DDX19B: variants seen among roughly 807,000 people sequenced by gnomAD.
The protein encoded by DDX19B is DEAD-box helicase 19B.
DDX19B carries 27 observed loss-of-function variants against 58.1 expected under a neutral mutation model. The ratio of observed to expected loss-of-function variants is 0.46; its 90% CI spans 0.34 to 0.64. The LOEUF (loss-of-function observed/expected upper bound fraction) is 0.64. Among genes scored for constraint, DDX19B ranks in the 30% least tolerant of loss-of-function variants. The pLI, the probability that DDX19B is intolerant of heterozygous loss-of-function variation, is 0.01. For synonymous variants in DDX19B, 187 were observed against 214.4 expected (o/e 0.87, Z 1.12); for missense variants, 399 against 596.5 (o/e 0.67, Z 3.45).
At chr16:70,303,789 G>A (rs1392344107) in intron 1 of DDX19B, among the ~76,000 whole-genome samples, 2 of 151,996 alleles carry the variant, frequency 1.3e-5, no homozygotes, top group African/African-American at 2.4e-5. Flanking sequence ...TCGACCTCCC[G>A]ATCTTGGGAT....
intron 1 of DDX19B, among the ~76,000 whole-genome samples, chr16:70,307,689 G>A (rs776443739): frequency 3.3e-5 from 5 of 151,174 alleles, no homozygotes; most frequent in Non-Finnish European, 7.4e-5. Flanking sequence ...GTGTGTGTGT[G>A]TGTGTATGTA....
chr16:70,324,696 T>A lies in DDX19B; in HGVS notation c.492+9T>A, dbSNP rs764795808. 1 of 1,605,088 alleles carries A rather than the reference T, an allele frequency of 6.2e-7. No homozygotes were observed. The highest frequency in any genetic ancestry group is 8.5e-7 in the Non-Finnish European group (1 of 1,177,514). Reference sequence around the variant, plus strand: ...CAAACAAATACCCCCAGGTAAGGATTTATGAATTTAGGTTTTCTACTAATG... The same window carrying A: ...CAAACAAATACCCCCAGGTAAGGATATATGAATTTAGGTTTTCTACTAATG... On this transcript the variant is annotated intron_variant, in intron 6 of 11. Coordinates refer to ENST00000288071, the MANE Select transcript of DDX19B (RefSeq NM_007242.7).
intron 5 of DDX19B, 61 bp from the exon 6 acceptor site, chr16:70,324,524 T>G (rs1186821341): frequency 6.7e-7 from 1 of 1,487,724 alleles, no homozygotes; most frequent in Non-Finnish European, 9.3e-7. Context: ...ACTCATTTTT[T>G]TAAACTTTGT....
upstream of DDX19B, among the ~76,000 whole-genome samples, chr16:70,296,453 T>A (rs911891204): frequency 6.6e-6 from 1 of 151,992 alleles, no homozygotes. Context: ...GCATTTTCCA[T>A]AGTGTATAAA....
At chr16:70,294,879 G>T, upstream of DDX19B, 1 of 1,526,156 alleles carries the variant, frequency 6.6e-7, no homozygotes, top group Non-Finnish European at 8.7e-7. Flanking sequence ...CCAAGATCGC[G>T]CCCTGCGGCG....
upstream of DDX19B, among the ~76,000 whole-genome samples, chr16:70,295,372 C>G (rs1961181328): frequency 1.3e-5 from 2 of 152,046 alleles, no homozygotes; most frequent in African/African-American, 4.8e-5. Context: ...CTCCTGGGAT[C>G]AAGTGATCCT....
chr16:70,296,256 C>T (rs1961217161), upstream of DDX19B, among the ~76,000 whole-genome samples: 1 of 152,016 alleles, frequency 6.6e-6, no homozygotes, highest in African/African-American at 2.4e-5. Context: ...CCACCTTGGC[C>T]TCCCAAACTG....
In DDX19B at chr16:70,313,042, A is replaced by G. The variant is rs575203918; in HGVS notation, c.106+385A>G. On this transcript the variant is annotated intron_variant, in intron 2 of 11. Coordinates refer to ENST00000288071, the MANE Select transcript of DDX19B (RefSeq NM_007242.7). ...TTTTTATTTTTTATTTTTTTGAGAC[A>G]GAGTCTCGCTCTGTTGCCCAGGCTG... 2.2e-3 allele frequency among the ~76,000 whole-genome samples: 339 copies of G among 151,852 alleles called. 2 individuals are homozygous for G. Among genetic ancestry groups the G allele is most frequent in the African/African-American group, 7.8e-3 (325 of 41,426 alleles).
intron 5 of DDX19B, among the ~76,000 whole-genome samples, chr16:70,319,282 G>A (rs899970062): frequency 6.6e-6 from 1 of 152,134 alleles, no homozygotes; most frequent in African/African-American, 2.4e-5. Context: ...AACAGCTCTA[G>A]GAGACCTGAA....
chr16:70,326,726 G>C (rs149060728), intron 7 of DDX19B, among the ~76,000 whole-genome samples: 2 of 152,072 alleles, frequency 1.3e-5, no homozygotes, highest in East Asian at 3.9e-4. Context: ...AGTACAGATG[G>C]GGTTTCACCA....
chr16:70,322,345 C>T (rs1033399430), intron 5 of DDX19B, among the ~76,000 whole-genome samples: 1 of 151,992 alleles, frequency 6.6e-6, no homozygotes, highest in African/African-American at 2.4e-5. Context: ...AATCCCAGGA[C>T]TCTGGAATGC....
intron 10 of DDX19B, among the ~76,000 whole-genome samples, 162 bp from the exon 11 acceptor site, chr16:70,332,806 C>T (rs1963546067): frequency 1.3e-5 from 2 of 152,164 alleles, no homozygotes; most frequent in Non-Finnish European, 2.9e-5. Context: ...GAATCTCATA[C>T]TGCACGGCCT....
chr16:70,311,800 A>G (rs1278084929), intron 1 of DDX19B, among the ~76,000 whole-genome samples: 1 of 152,036 alleles, frequency 6.6e-6, no homozygotes, highest in Non-Finnish European at 1.5e-5. Flanking sequence ...CGTATCCTGC[A>G]GTATGACTGA....
At chr16:70,328,359 ATT>A (rs1202085538) in intron 7 of DDX19B, among the ~76,000 whole-genome samples, 27 of 131,354 alleles carry the variant, frequency 2.1e-4, no homozygotes, top group African/African-American at 4.3e-4. Flanking sequence ...AGAATTCTGA[ATT>A]TTTTTTTTTT....
chr16:70,293,345 G>A (rs1961106822), upstream of DDX19B, among the ~76,000 whole-genome samples: 1 of 150,936 alleles, frequency 6.6e-6, no homozygotes, highest in Non-Finnish European at 1.5e-5. Flanking sequence ...TTGAGACAGG[G>A]AAGTAAAGGA....
chr16:70,331,986 A>T, intron 10 of DDX19B, 102 bp downstream of exon 10: 3 of 1,496,058 alleles, frequency 2.0e-6, no homozygotes, highest in South Asian at 2.7e-5. Flanking sequence ...GGTCTCAGGG[A>T]GATGGGTGGG....
rs1243798944 is a variant in DDX19B, at chr16:70,322,430, A to G, written c.390-2155A>G. Among the ~76,000 whole-genome samples, 3 of 151,934 alleles carry G rather than the reference A, an allele frequency of 2.0e-5. No homozygotes were observed. In the East Asian group the frequency reaches 5.8e-4, roughly 29 times the overall value. ...ACATGGCGAAACCCATCTCTACAAAAAAAACACAAAAATAGCCATGCATGG... is the reference window on the plus strand; with the variant it reads ...ACATGGCGAAACCCATCTCTACAAAGAAAACACAAAAATAGCCATGCATGG... On this transcript the variant is annotated intron_variant, in intron 5 of 11. Coordinates refer to ENST00000288071, the MANE Select transcript of DDX19B (RefSeq NM_007242.7).
intron 7 of DDX19B, among the ~76,000 whole-genome samples, chr16:70,328,440 G>A (rs981479345): frequency 1.4e-5 from 2 of 141,806 alleles, no homozygotes; most frequent in African/African-American, 5.3e-5. Context: ...TCGGCTCACT[G>A]CAACCTCCGC....
At position 70,308,967 on chromosome 16, in the gene DDX19B, C is replaced by T. The variant is rs1208065474; in HGVS notation, c.58-3642C>T. 2.0e-5 allele frequency among the ~76,000 whole-genome samples: 3 copies of T among 152,220 alleles called. No homozygotes were observed. The East Asian group carries it at 5.8e-4, about 29-fold the overall frequency. ...AGCTCTTTTTCCTAATGCTGTCCCC[C>T]ACTGCCCTCCCCCATTAGTGTATTC... On this transcript the variant is annotated intron_variant, in intron 1 of 11. Coordinates refer to ENST00000288071, the MANE Select transcript of DDX19B (RefSeq NM_007242.7).
Sources: gnomAD v4.1 joint callset for allele counts (sites outside exome capture counted in the v4.1 genomes callset) on GRCh38, gnomAD v4.1.1 for gene constraint, MANE v1.5 for transcripts, NCBI Gene and HGNC (gene_info 2026-07-23, HGNC 2026-07-21) for gene names.